Variants in ST6GALNAC3 observed in about 807,000 individuals in gnomAD.
ST6GALNAC3 encodes the protein alpha-N-acetylgalactosaminide alpha-2,6-sialyltransferase 3.
A neutral mutation model predicts 32.7 loss-of-function variants in ST6GALNAC3; 25 were observed. The observed-to-expected ratio is 0.76, with a 90% confidence interval of 0.56 to 1.07. The LOEUF (loss-of-function observed/expected upper bound fraction) is 1.07. ST6GALNAC3 is among the 50% of genes least tolerant of loss of function. The pLI is 0.00. For synonymous variants in ST6GALNAC3, 129 were observed against 133.1 expected (o/e 0.97, Z 0.21); for missense variants, 355 against 382.4 (o/e 0.93, Z 0.60).
At chr1:76,250,555 A>T (rs1044997625) in intron 1 of ST6GALNAC3, among the ~76,000 whole-genome samples, 4 of 152,210 alleles carry the variant, frequency 2.6e-5, no homozygotes, top group African/African-American at 9.6e-5. Flanking sequence ...CCTGAATTTC[A>T]TTTGCAGAGG....
At chr1:76,573,877 G>T (rs749251229) in intron 3 of ST6GALNAC3, among the ~76,000 whole-genome samples, 4 of 151,996 alleles carry the variant, frequency 2.6e-5, no homozygotes, top group African/African-American at 4.8e-5. Context: ...GGGTAGGAGT[G>T]GGGTTGGCAG....
intron 1 of ST6GALNAC3, among the ~76,000 whole-genome samples, chr1:76,305,507 G>T (rs6661158): frequency 6.6e-6 from 1 of 152,032 alleles, no homozygotes; most frequent in Non-Finnish European, 1.5e-5. Flanking sequence ...GGATAGACAG[G>T]ATCAGGTTTG....
At chr1:76,277,709 T>TGAA (rs1659253577) in intron 1 of ST6GALNAC3, among the ~76,000 whole-genome samples, 1 of 151,818 alleles carries the variant, frequency 6.6e-6, no homozygotes, top group South Asian at 2.1e-4. Context: ...GGAGGAGTCT[T>TGAA]ATTTCATCTG....
intron 3 of ST6GALNAC3, among the ~76,000 whole-genome samples, chr1:76,449,682 A>C (rs562738216): frequency 6.6e-6 from 1 of 152,210 alleles, no homozygotes; most frequent in South Asian, 2.1e-4. Context: ...ACATCTTTTC[A>C]TATGCTTATT....
At chr1:76,584,878 T>C (rs755263084) in intron 3 of ST6GALNAC3, among the ~76,000 whole-genome samples, 2 of 152,178 alleles carry the variant, frequency 1.3e-5, no homozygotes, top group Non-Finnish European at 2.9e-5. Context: ...GCAGAAAATT[T>C]CAGAGGCCTT....
At chr1:76,545,432 T>C (rs891733305) in intron 3 of ST6GALNAC3, among the ~76,000 whole-genome samples, 1 of 152,142 alleles carries the variant, frequency 6.6e-6, no homozygotes, top group Non-Finnish European at 1.5e-5. Flanking sequence ...CTGAACCTAA[T>C]ATAAGTTTCC....
chr1:76,184,519 G>GCACACACACACACACACA (rs71071992), intron 1 of ST6GALNAC3, among the ~76,000 whole-genome samples: 17 of 134,176 alleles, frequency 1.3e-4, no homozygotes, highest in South Asian at 1.1e-3. Context: ...CTCCTGGGCA[G>GCACACACACACACACACA]CACACACACA....
At chr1:76,210,014 A>C (rs1438018598) in intron 1 of ST6GALNAC3, among the ~76,000 whole-genome samples, 1 of 151,382 alleles carries the variant, frequency 6.6e-6, no homozygotes, top group Non-Finnish European at 1.5e-5. Context: ...GTCAGTGCCC[A>C]TAACAGGTCC....
chr1:76,396,548 C>T (rs1271928747), intron 2 of ST6GALNAC3, among the ~76,000 whole-genome samples: 3 of 152,168 alleles, frequency 2.0e-5, no homozygotes. Flanking sequence ...CCTATAAAAG[C>T]CTACCTCTGT....
At chr1:76,335,759 G>A (rs1647420700) in intron 2 of ST6GALNAC3, among the ~76,000 whole-genome samples, 1 of 152,114 alleles carries the variant, frequency 6.6e-6, no homozygotes, top group African/African-American at 2.4e-5. Flanking sequence ...CATAATAGAT[G>A]CTCAAGTAAT....
At chr1:76,097,259 G>C (rs891372463) in intron 1 of ST6GALNAC3, among the ~76,000 whole-genome samples, 6 of 152,156 alleles carry the variant, frequency 3.9e-5, no homozygotes, top group African/African-American at 7.2e-5. Flanking sequence ...TGGTTTGGCT[G>C]TGTCCTCACT....
At chr1:76,171,454 A>T (rs926297770) in intron 1 of ST6GALNAC3, among the ~76,000 whole-genome samples, 2 of 152,094 alleles carry the variant, frequency 1.3e-5, no homozygotes, top group Non-Finnish European at 2.9e-5. Context: ...ATTGATGGTG[A>T]TAGAGACGTG....
intron 1 of ST6GALNAC3, among the ~76,000 whole-genome samples, chr1:76,171,379 T>TA (rs1185122932): frequency 6.6e-6 from 1 of 151,992 alleles, no homozygotes; most frequent in African/African-American, 2.4e-5. Flanking sequence ...AACCACTAAC[T>TA]AAGTGGATAA....
At chr1:76,312,592 TA>T (rs963757966) in intron 1 of ST6GALNAC3, among the ~76,000 whole-genome samples, 2 of 151,312 alleles carry the variant, frequency 1.3e-5, no homozygotes, top group Non-Finnish European at 2.9e-5. Context: ...AAAATAAAAA[TA>T]AAAAAATAAA....
In ST6GALNAC3 at chr1:76,579,478, A is replaced by G. The variant is rs530728691; in HGVS notation, c.624-47974A>G. ...AAAATTCACCGTAAGTCTTAATGTCATCAGATCTCCAGTCAATGCAATTAT... is the reference window on the plus strand; with the variant it reads ...AAAATTCACCGTAAGTCTTAATGTCGTCAGATCTCCAGTCAATGCAATTAT... On this transcript the variant is annotated intron_variant, in intron 3 of 4. Coordinates refer to ENST00000328299, the MANE Select transcript of ST6GALNAC3 (RefSeq NM_152996.4). Among the ~76,000 whole-genome samples, 8 of 152,218 alleles carry G rather than the reference A, an allele frequency of 5.3e-5. No homozygotes were observed. In the South Asian group the frequency reaches 1.5e-3, roughly 28 times the overall value.
At chr1:76,100,979 G>T (rs1353883888) in intron 1 of ST6GALNAC3, among the ~76,000 whole-genome samples, 1 of 151,698 alleles carries the variant, frequency 6.6e-6, no homozygotes, top group Non-Finnish European at 1.5e-5. Context: ...CCCCCATCAG[G>T]GTGCTATATT....
At chr1:76,171,049 TTTTG>T (rs1329719429) in intron 1 of ST6GALNAC3, among the ~76,000 whole-genome samples, 1 of 152,068 alleles carries the variant, frequency 6.6e-6, no homozygotes, top group East Asian at 1.9e-4. Flanking sequence ...AGACTATTTA[TTTTG>T]TTTGTTTTTA....
At chr1:76,405,413 T>G (rs1303566419) in intron 2 of ST6GALNAC3, among the ~76,000 whole-genome samples, 1 of 152,148 alleles carries the variant, frequency 6.6e-6, no homozygotes. Context: ...TTATTCTTAC[T>G]GATTAAAATG....
At chr1:76,528,621 T>C (rs900636388) in intron 3 of ST6GALNAC3, among the ~76,000 whole-genome samples, 5 of 151,972 alleles carry the variant, frequency 3.3e-5, no homozygotes, top group Non-Finnish European at 5.9e-5. Context: ...AAAATGTCGT[T>C]TGTGGCTCGA....
Sources: allele counts gnomAD v4.1 joint callset (sites outside exome capture counted in the v4.1 genomes callset), GRCh38; gene constraint gnomAD v4.1.1; transcripts MANE v1.5; gene names NCBI Gene and HGNC (gene_info 2026-07-23, HGNC 2026-07-21).